Variants in VGLL1 observed in about 807,000 individuals in gnomAD.
VGLL1 encodes the protein transcription cofactor vestigial-like protein 1.
In VGLL1, 4 loss-of-function variants were observed where a neutral mutation model predicts 12.0. That is an observed-to-expected ratio of 0.33 (90% CI 0.16 to 0.76). VGLL1 has a LOEUF of 0.76. Among genes scored for constraint, VGLL1 ranks in the 30% least tolerant of loss-of-function variants. The pLI, the probability that VGLL1 is intolerant of heterozygous loss-of-function variation, is 0.60. For synonymous variants in VGLL1, 87 were observed against 81.2 expected (o/e 1.07, Z -0.39); for missense variants, 204 against 208.7 (o/e 0.98, Z 0.14).
At position 136,537,811 on chromosome X, in the gene VGLL1, C is replaced by A. The variant is rs1342254465; in HGVS notation, c.214+1577C>A. Among the ~76,000 whole-genome samples the A allele has an allele frequency of 6.4e-5, 7 of 109,958 alleles. No individual in the cohort carries two copies. The East Asian group carries it at 2.0e-3, about 31-fold the overall frequency. The stretch of plus-strand genomic sequence containing the variant: ...AGATTCCTGACCTCGAGCGATCCTC[C>A]CACTTCAGCCTTCCAAAGTGCTGGT... On this transcript the variant is annotated intron_variant, in intron 2 of 4. Transcript: ENST00000370634.
intron 4 of VGLL1, among the ~76,000 whole-genome samples, chrX:136,554,030 C>G (rs1286174167): frequency 8.9e-6 from 1 of 112,343 alleles, no homozygotes; most frequent in Non-Finnish European, 1.9e-5. Flanking sequence ...TTGCCAGATA[C>G]AGGACTATAA....
chrX:136,551,303 G>A (rs1327966270), intron 4 of VGLL1, among the ~76,000 whole-genome samples: 2 of 111,023 alleles, frequency 1.8e-5, no homozygotes, highest in Non-Finnish European at 3.8e-5. Context: ...AAATTCATGA[G>A]GATGAGGATT....
intron 2 of VGLL1, among the ~76,000 whole-genome samples, chrX:136,548,161 C>A (rs2075874593): frequency 9.0e-6 from 1 of 111,409 alleles, no homozygotes; most frequent in Admixed American, 9.5e-5. Flanking sequence ...CCAACACACC[C>A]AGCTAATTTT....
At chrX:136,553,923 A>G (rs2075894250) in intron 4 of VGLL1, among the ~76,000 whole-genome samples, 1 of 112,483 alleles carries the variant, frequency 8.9e-6, no homozygotes, top group Non-Finnish European at 1.9e-5. Context: ...CAAAAGTTTT[A>G]GTGAATTTGA....
At position 136,548,590 on chromosome X, in the gene VGLL1, T is replaced by A; in HGVS notation, c.216T>A (p.Asp72Glu). Residue 72 changes from aspartate to glutamate, a missense_variant and splice_region_variant, in exon 3 of 5, where the codon GAT (aspartate) becomes GAA (glutamate). Transcript: ENST00000370634. ...GTCTTCTAAATCTTTCCTTCTCAGATGATAGCATGTCTCCAAATCAGTGGC... is the reference window on the plus strand; with the variant it reads ...GTCTTCTAAATCTTTCCTTCTCAGAAGATAGCATGTCTCCAAATCAGTGGC... ...SQSEGVMLKN[D>E]DSMSPNQWRY... 6 of 1,208,145 alleles carry A rather than the reference T, an allele frequency of 5.0e-6. No individual in the cohort carries two copies. Among genetic ancestry groups the A allele is most frequent in the Non-Finnish European group, 6.7e-6 (6 of 892,565 alleles).
rs2075902053 is a variant in VGLL1, at chrX:136,556,644, C to T, written c.*105C>T. The T allele has an allele frequency of 4.1e-6, 3 of 727,257 alleles. No individual in the cohort carries two copies. The South Asian group carries it at 7.4e-5, about 18-fold the overall frequency. The allele number at this position is 727,257 out of a possible 1,213,427, so 59.9% of individuals were successfully genotyped here. A position where few individuals can be genotyped will look rare whatever the true frequency, so the allele number is the denominator to read the frequency against. On this transcript the variant is annotated 3_prime_UTR_variant, in exon 5 of 5. Transcript: ENST00000370634. ...AAAGCTGCTCACACCCACTTGCCTC[C>T]CCAATCTGTTAAACAGCTTCGTGTC... is the stretch of plus-strand genomic sequence containing the variant.
intron 4 of VGLL1, 131 bp from the exon 5 acceptor site, chrX:136,556,320 C>A (rs1377760435): frequency 2.3e-6 from 1 of 444,108 alleles, no homozygotes; most frequent in Non-Finnish European, 3.8e-6. Flanking sequence ...GAGTTTCTGT[C>A]TTCCCTTCCT....
chrX:136,551,126 G>A (rs2075885055), intron 4 of VGLL1, among the ~76,000 whole-genome samples: 1 of 109,207 alleles, frequency 9.2e-6, no homozygotes, highest in African/African-American at 3.3e-5. Flanking sequence ...TGACTTAACT[G>A]AAGTAGCCAA....
intron 2 of VGLL1, among the ~76,000 whole-genome samples, chrX:136,538,210 G>A (rs1376967703): frequency 8.9e-6 from 1 of 112,272 alleles, no homozygotes. Context: ...AGGGGCTGTA[G>A]TATGACTTTC....
Position 136,550,530 on chromosome X carries a change from T to C in VGLL1, c.635-238T>C, listed in dbSNP as rs752818262. ...GACATGAGTTGTATTAATTGGTGAC[T>C]GGAAGTCCAGGATCTGTTGAGGAAG... is the stretch of plus-strand genomic sequence containing the variant. On this transcript the variant is annotated intron_variant, in intron 3 of 4. Transcript: ENST00000370634. 7.9e-5 allele frequency: 26 copies of C among 331,028 alleles called. 1 individual carries two copies. In the South Asian group the frequency reaches 1.0e-3, roughly 13 times the overall value. The allele number at this position is 331,028 out of a possible 1,213,427, so 27.3% of individuals were successfully genotyped here.
At chrX:136,552,925 TGC>T (rs1386539274) in intron 4 of VGLL1, among the ~76,000 whole-genome samples, 2 of 111,827 alleles carry the variant, frequency 1.8e-5, no homozygotes, top group African/African-American at 6.5e-5. Context: ...GGAAGGGGGA[TGC>T]AGAAGGCTCA....
Position 136,556,545 on chromosome X carries a change from T to C in VGLL1, c.*6T>C, listed in dbSNP as rs1367226394. ...GATACCTGCAGCATCTTTAGTCAAG[T>C]TGGAGGAGAAAGACAACACTTGGTC... On this transcript the variant is annotated 3_prime_UTR_variant, in exon 5 of 5. Transcript: ENST00000370634. The C allele has an allele frequency of 2.5e-6, 3 of 1,203,431 alleles. No homozygotes were observed. Among genetic ancestry groups the C allele is most frequent in the South Asian group, 1.8e-5 (1 of 56,702 alleles).
At chrX:136,533,197 G>A (rs190947060) in intron 1 of VGLL1, among the ~76,000 whole-genome samples, 106 of 111,628 alleles carry the variant, frequency 9.5e-4, no homozygotes, top group Non-Finnish European at 1.9e-3. Context: ...CTTGTGAGCC[G>A]ATCCAGAGAA....
chrX:136,538,793 G>A (rs773252109), intron 2 of VGLL1, among the ~76,000 whole-genome samples: 1 of 111,270 alleles, frequency 9.0e-6, no homozygotes, highest in African/African-American at 3.3e-5. Flanking sequence ...TACTTTTGCA[G>A]TCAATCAATG....
intron 1 of VGLL1, 118 bp from the exon 2 acceptor site, chrX:136,535,878 C>T (rs1194394529): frequency 3.7e-6 from 2 of 541,958 alleles, no homozygotes; most frequent in Non-Finnish European, 6.0e-6. Flanking sequence ...CCTGGGGCCC[C>T]AGTGAGCACG....
intron 1 of VGLL1, among the ~76,000 whole-genome samples, chrX:136,535,008 T>C (rs1353336360): frequency 8.9e-6 from 1 of 112,042 alleles, no homozygotes; most frequent in African/African-American, 3.2e-5. Flanking sequence ...CCAGAGCACA[T>C]GGCAAGTCAG....
chrX:136,539,723 G>A (rs2075850591), intron 2 of VGLL1, among the ~76,000 whole-genome samples: 1 of 111,567 alleles, frequency 9.0e-6, no homozygotes, highest in African/African-American at 3.3e-5. Context: ...TCTATATGTT[G>A]AGCAATTCCA....
At chrX:136,547,122 A>G (rs2075871702) in intron 2 of VGLL1, among the ~76,000 whole-genome samples, 1 of 112,449 alleles carries the variant, frequency 8.9e-6, no homozygotes, top group Admixed American at 9.4e-5. Context: ...AGAGGTTTGT[A>G]TGGGAAAGAG....
At chrX:136,545,906 T>A (rs1297408419) in intron 2 of VGLL1, among the ~76,000 whole-genome samples, 2 of 111,488 alleles carry the variant, frequency 1.8e-5, no homozygotes, top group African/African-American at 6.5e-5. Context: ...GGAGACCAGC[T>A]CTCTCTGGAC....
Sources: gnomAD v4.1 joint callset for allele counts (sites outside exome capture counted in the v4.1 genomes callset) on GRCh38, gnomAD v4.1.1 for gene constraint, MANE v1.5 for transcripts, NCBI Gene and HGNC (gene_info 2026-07-23, HGNC 2026-07-21) for gene names.